Variants in CSMD1 observed in about 807,000 individuals in gnomAD.
The protein encoded by CSMD1 is CUB and Sushi multiple domains 1, also known as CUB and sushi domain-containing protein 1.
CSMD1 carries 213 observed loss-of-function variants against 417.5 expected under a neutral mutation model. That is an observed-to-expected ratio of 0.51 (90% CI 0.46 to 0.57). The LOEUF is 0.57. Among genes scored for constraint, CSMD1 ranks in the 20% least tolerant of loss-of-function variants. The pLI is 0.00. For missense variants in CSMD1, 6,923 were observed against 4,529.7 expected (o/e 1.53, Z -15.17); for synonymous variants, 2,862 against 1,736.8 (o/e 1.65, Z -16.11).
intron 5 of CSMD1, among the ~76,000 whole-genome samples, chr8:3,956,627 A>T (rs1214775012): frequency 6.6e-6 from 1 of 152,184 alleles, no homozygotes; most frequent in Non-Finnish European, 1.5e-5. Flanking sequence ...ACAAGACTAA[A>T]ATGTTGTTAT....
intron 6 of CSMD1, among the ~76,000 whole-genome samples, chr8:3,749,648 A>C (rs1399979230): frequency 6.6e-6 from 1 of 152,218 alleles, no homozygotes; most frequent in African/African-American, 2.4e-5. Flanking sequence ...TCCAAGCATC[A>C]TACGCTGGAA....
intron 5 of CSMD1, among the ~76,000 whole-genome samples, chr8:3,784,271 A>G (rs1194129122): frequency 6.6e-6 from 1 of 152,210 alleles, no homozygotes; most frequent in Non-Finnish European, 1.5e-5. Context: ...ACCTTGCTAG[A>G]TTACTAAATT....
intron 23 of CSMD1, among the ~76,000 whole-genome samples, chr8:3,337,216 T>C (rs1807321804): frequency 6.6e-6 from 1 of 152,208 alleles, no homozygotes; most frequent in South Asian, 2.1e-4. Context: ...TCCTTACTTA[T>C]CTCAAAGTCT....
At chr8:4,196,881 C>A (rs1336407554) in intron 3 of CSMD1, among the ~76,000 whole-genome samples, 38 of 152,150 alleles carry the variant, frequency 2.5e-4, no homozygotes, top group Non-Finnish European at 4.4e-5. Context: ...AGTGAAAGTT[C>A]CGCCATCTTC....
chr8:4,788,915 G>T (rs1037845714), intron 1 of CSMD1, among the ~76,000 whole-genome samples: 1 of 152,164 alleles, frequency 6.6e-6, no homozygotes, highest in African/African-American at 2.4e-5. Context: ...TTGGAGGTTG[G>T]CAGCATATGA....
At chr8:4,075,822 G>C (rs553090054) in intron 3 of CSMD1, among the ~76,000 whole-genome samples, 1 of 152,276 alleles carries the variant, frequency 6.6e-6, no homozygotes, top group African/African-American at 2.4e-5. Flanking sequence ...ATGGTTGTCA[G>C]AGTGAAAAAG....
chr8:4,526,390 A>G (rs894572828), intron 2 of CSMD1, among the ~76,000 whole-genome samples: 2 of 152,226 alleles, frequency 1.3e-5, no homozygotes, highest in Non-Finnish European at 2.9e-5. Context: ...TTCAACAAGA[A>G]TTGCATCTTA....
At chr8:4,602,219 A>G (rs1315642010) in intron 2 of CSMD1, among the ~76,000 whole-genome samples, 1 of 152,130 alleles carries the variant, frequency 6.6e-6, no homozygotes, top group Non-Finnish European at 1.5e-5. Context: ...ACCCTATGTC[A>G]TTGAAAATTG....
At chr8:3,422,674 C>T (rs1322638005) in intron 12 of CSMD1, among the ~76,000 whole-genome samples, 2 of 152,146 alleles carry the variant, frequency 1.3e-5, no homozygotes, top group East Asian at 3.9e-4. Flanking sequence ...ATGCATTTTT[C>T]TGATGCCAGT....
intron 3 of CSMD1, among the ~76,000 whole-genome samples, chr8:4,138,974 T>G (rs1413397049): frequency 1.3e-5 from 2 of 152,176 alleles, no homozygotes; most frequent in Non-Finnish European, 2.9e-5. Context: ...CCATGCATCT[T>G]TCCTGAGCTG....
chr8:3,160,967 C>A (rs979024967), intron 38 of CSMD1, among the ~76,000 whole-genome samples: 11 of 152,186 alleles, frequency 7.2e-5, no homozygotes, highest in Admixed American at 7.2e-4. Flanking sequence ...TATTTCACGG[C>A]TGTAGTGTTG....
intron 5 of CSMD1, among the ~76,000 whole-genome samples, chr8:3,987,878 G>T (rs1012253692): frequency 2.6e-5 from 4 of 152,266 alleles, no homozygotes; most frequent in African/African-American, 9.6e-5. Context: ...CAATCTGTTT[G>T]GCACATTGCA....
At chr8:4,011,390 C>G (rs1816521621) in intron 4 of CSMD1, among the ~76,000 whole-genome samples, 1 of 152,196 alleles carries the variant, frequency 6.6e-6, no homozygotes, top group Admixed American at 6.5e-5. Flanking sequence ...CTTCCAGACT[C>G]CACATTCCCC....
At chr8:3,243,726 T>G (rs895273189) in intron 26 of CSMD1, among the ~76,000 whole-genome samples, 3 of 151,558 alleles carry the variant, frequency 2.0e-5, no homozygotes, top group East Asian at 1.9e-4. Context: ...ATATAATTAT[T>G]TATGAAAATT....
At chr8:3,983,924 G>C (rs990075285) in intron 5 of CSMD1, among the ~76,000 whole-genome samples, 3 of 152,214 alleles carry the variant, frequency 2.0e-5, no homozygotes, top group African/African-American at 7.2e-5. Context: ...ACATCTGACA[G>C]GGCTGTCAAT....
At chr8:4,648,504 CAT>C (rs906832911) in intron 1 of CSMD1, among the ~76,000 whole-genome samples, 5 of 152,154 alleles carry the variant, frequency 3.3e-5, no homozygotes, top group African/African-American at 1.2e-4. Flanking sequence ...CACACACACA[CAT>C]GCCTGCTTTC....
At chr8:3,263,626 G>T (rs1265502246) in intron 26 of CSMD1, among the ~76,000 whole-genome samples, 1 of 152,126 alleles carries the variant, frequency 6.6e-6, no homozygotes, top group African/African-American at 2.4e-5. Flanking sequence ...ATATTTTTGA[G>T]AGATTGATAA....
chr8:3,578,547 A>G (rs1161645641), intron 9 of CSMD1, among the ~76,000 whole-genome samples: 9 of 152,184 alleles, frequency 5.9e-5, no homozygotes, highest in Admixed American at 5.9e-4. Flanking sequence ...GGCTGTATTG[A>G]ATACAAATTT....
At chr8:4,792,057 T>C (rs1020949248) in intron 1 of CSMD1, among the ~76,000 whole-genome samples, 8 of 152,146 alleles carry the variant, frequency 5.3e-5, no homozygotes, top group African/African-American at 1.9e-4. Context: ...TACCCAAGAT[T>C]CACTGCCTGG....
Sources: allele counts gnomAD v4.1 joint callset (sites outside exome capture counted in the v4.1 genomes callset), GRCh38; gene constraint gnomAD v4.1.1; transcripts MANE v1.5; gene names NCBI Gene and HGNC (gene_info 2026-07-23, HGNC 2026-07-21).